OSBPL5: variants seen among roughly 807,000 people sequenced by gnomAD.
OSBPL5 encodes the protein oxysterol binding protein like 5, also known as oxysterol-binding protein-related protein 5.
OSBPL5 carries 71 observed loss-of-function variants against 111.2 expected under a neutral mutation model. The observed-to-expected ratio is 0.64, with a 90% CI of 0.53 to 0.78. OSBPL5 has a LOEUF of 0.78. Among genes scored for constraint, OSBPL5 ranks in the 30% least tolerant of loss-of-function variants. The pLI, the probability that OSBPL5 is intolerant of heterozygous loss-of-function variation, is 0.00. For synonymous variants in OSBPL5, 549 were observed against 513.9 expected (o/e 1.07, Z -0.93); for missense variants, 1,210 against 1,189.3 (o/e 1.02, Z -0.26).
chr11:3,090,747 C>T, intron 19 of OSBPL5, 51 bp from the exon 20 acceptor site: 2 of 1,551,670 alleles, frequency 1.3e-6, no homozygotes, highest in Non-Finnish European at 1.7e-6. Context: ...GCCCCCTGCC[C>T]AGGCCCCAGG....
chr11:3,129,486 G>A (rs976156662), intron 1 of OSBPL5, among the ~76,000 whole-genome samples: 6 of 152,200 alleles, frequency 3.9e-5, no homozygotes, highest in Non-Finnish European at 5.9e-5. Flanking sequence ...TGAGACCCTG[G>A]CTGCAGCCAG....
intron 7 of OSBPL5, among the ~76,000 whole-genome samples, chr11:3,112,464 TTG>T (rs1342769841): frequency 2.3e-5 from 3 of 130,812 alleles, no homozygotes; most frequent in Admixed American, 9.2e-5. Flanking sequence ...GTAACCTGTT[TTG>T]TGTTTTCTTT....
chr11:3,089,682 T>C (rs1442160433), intron 21 of OSBPL5, among the ~76,000 whole-genome samples, 164 bp downstream of exon 21: 1 of 152,158 alleles, frequency 6.6e-6, no homozygotes, highest in Non-Finnish European at 1.5e-5. Context: ...TCTCCTGCCC[T>C]CGGCGGTTGT....
chr11:3,096,921 A>G (rs1857272580), intron 14 of OSBPL5, among the ~76,000 whole-genome samples: 1 of 129,452 alleles, frequency 7.7e-6, no homozygotes, highest in South Asian at 2.7e-4. Flanking sequence ...AGGGGAGAAG[A>G]CGGGAGGAGG....
intron 1 of OSBPL5, among the ~76,000 whole-genome samples, chr11:3,147,576 C>A (rs1027580728): frequency 3.9e-5 from 6 of 152,258 alleles, no homozygotes; most frequent in African/African-American, 1.4e-4. Context: ...CGTTTGTGAA[C>A]TCGAATCGAG....
At position 3,120,571 on chromosome 11, in the gene OSBPL5, C is replaced by T; in HGVS notation, c.456G>A (p.Gly152=). The T allele has an allele frequency of 6.2e-7, 1 of 1,613,310 alleles. No homozygotes were observed. Among genetic ancestry groups the T allele is most frequent in the Non-Finnish European group, 8.5e-7 (1 of 1,180,028 alleles). Residue 152 remains glycine (G), a synonymous_variant, in exon 6 of 22, where the codon GGG becomes GGA. Transcript: ENST00000263650. The part of the protein sequence containing the change: ...WTKLWCVLKP[G]VLLIYKTPKV... ...TGGGCGTCTTGTAGATGAGCAGCAC[C>T]CCCGGCTTCAGCACGCACCACAGCT...
rs574008195 is a variant in OSBPL5 at position 3,109,276 on chromosome 11, C to A, written c.692-1331G>T. Reference sequence around the variant, plus strand: ...TGTATTTTTAGTAGAGATGGGGTTTCACCATGTTGGCCAGGCTGGTCTCAA... The same window carrying A: ...TGTATTTTTAGTAGAGATGGGGTTTAACCATGTTGGCCAGGCTGGTCTCAA... On this transcript the variant is annotated intron_variant, in intron 7 of 21. Transcript: ENST00000263650. The surrounding 1 kb of genome is among the most constrained non-coding windows in gnomAD (Gnocchi z 7.4). 6.6e-6 allele frequency among the ~76,000 whole-genome samples: 1 copy of A among 151,460 alleles called. No individual in the cohort carries two copies. The highest frequency in any genetic ancestry group is 1.5e-5 in the Non-Finnish European group (1 of 67,902).
chr11:3,112,478 CTTTTT>C (rs559601032), intron 7 of OSBPL5, among the ~76,000 whole-genome samples: 11 of 108,776 alleles, frequency 1.0e-4, no homozygotes, highest in East Asian at 6.8e-4. Context: ...GTTTTCTTTT[CTTTTT>C]TTTTTTTTTT....
At position 3,106,303 on chromosome 11, in the gene OSBPL5, C is replaced by T. The variant is rs1857691547; in HGVS notation, c.1059+960G>A. Among the ~76,000 whole-genome samples the T allele has an allele frequency of 6.6e-6, 1 of 152,182 alleles. No individual in the cohort carries two copies. Among genetic ancestry groups the T allele is most frequent in the South Asian group, 2.1e-4 (1 of 4,822 alleles). The stretch of plus-strand genomic sequence containing the variant: ...CTTTCCTGCTGAAACCGGGACTGCC[C>T]CTTGCCCTCAGTGACAGCCACGGCC... On this transcript the variant is annotated intron_variant, in intron 9 of 21. Transcript: ENST00000263650. This position sits in a 1 kb window ranked among gnomAD's most constrained non-coding sequence, Gnocchi z 8.4.
intron 1 of OSBPL5, among the ~76,000 whole-genome samples, chr11:3,129,753 T>G (rs578083692): frequency 6.6e-6 from 1 of 152,328 alleles, no homozygotes; most frequent in East Asian, 1.9e-4. Flanking sequence ...CAGTTTCAGT[T>G]GCACCCACAT....
At chr11:3,096,923 G>GGGA (rs1480253161) in intron 14 of OSBPL5, among the ~76,000 whole-genome samples, 31 of 113,724 alleles carry the variant, frequency 2.7e-4, no homozygotes, top group Middle Eastern at 4.1e-3. Context: ...GGGAGAAGAC[G>GGGA]GGAGGAGGAG....
intron 14 of OSBPL5, among the ~76,000 whole-genome samples, chr11:3,099,835 G>A (rs1857392563): frequency 1.3e-5 from 2 of 152,128 alleles, no homozygotes; most frequent in Non-Finnish European, 2.9e-5. Flanking sequence ...TTGGGAGGCC[G>A]AGGCGGGCGG....
intron 1 of OSBPL5, among the ~76,000 whole-genome samples, chr11:3,147,141 C>A (rs1276038315): frequency 1.7e-5 from 1 of 58,256 alleles, no homozygotes; most frequent in African/African-American, 6.7e-5. Context: ...GAGGACCGGG[C>A]GGGTGGGAGG....
intron 1 of OSBPL5, among the ~76,000 whole-genome samples, chr11:3,163,317 C>T (rs1202275581): frequency 6.6e-6 from 1 of 152,162 alleles, no homozygotes; most frequent in African/African-American, 2.4e-5. Context: ...GGCTTAACCA[C>T]AGAATCAGCA....
chr11:3,087,930 GGCCAGGAGTGCGTC>G lies in OSBPL5; in HGVS notation c.*261_*274del, dbSNP rs1199687525. 3.2e-6 allele frequency: 1 copy of G among 311,244 alleles called. No homozygotes were observed. Among genetic ancestry groups the G allele is most frequent in the Non-Finnish European group, 5.9e-6 (1 of 170,766 alleles). 19.3% of individuals were successfully genotyped at this position (311,244 alleles called of 1,614,324 possible). Reference sequence around the variant, plus strand: ...CGGACAGGGGGTGACACGGCAAGATGGCCAGGAGTGCGTCGCACAGCAGAAGCTGCATTTGGCTT... The same window carrying G: ...CGGACAGGGGGTGACACGGCAAGATGGCACAGCAGAAGCTGCATTTGGCTT... On this transcript the variant is annotated 3_prime_UTR_variant, in exon 22 of 22. Coordinates refer to ENST00000263650, the MANE Select transcript of OSBPL5 (RefSeq NM_020896.4).
At position 3,113,461 on chromosome 11, in the gene OSBPL5, T is replaced by C. The variant is rs889649047; in HGVS notation, c.692-5516A>G. Among the ~76,000 whole-genome samples the C allele has an allele frequency of 3.9e-5, 6 of 151,954 alleles. No individual in the cohort carries two copies. The highest frequency in any genetic ancestry group is 8.8e-5 in the Non-Finnish European group (6 of 67,978). ...CACAAAGTCAGGAGTTCAAGACCAGTCTGGCCAACATAGTGAAACCCCATC... is the reference window on the plus strand; with the variant it reads ...CACAAAGTCAGGAGTTCAAGACCAGCCTGGCCAACATAGTGAAACCCCATC... On this transcript the variant is annotated intron_variant, in intron 7 of 21. Transcript: ENST00000263650. The surrounding 1 kb of genome is among the most constrained non-coding windows in gnomAD (Gnocchi z 4.8).
chr11:3,111,509 C>T (rs1038463151), intron 7 of OSBPL5, among the ~76,000 whole-genome samples: 16 of 152,160 alleles, frequency 1.1e-4, no homozygotes, highest in African/African-American at 3.9e-4. Flanking sequence ...TCAGTGATCA[C>T]GTAAGTTGTG....
chr11:3,122,283 C>T, intron 4 of OSBPL5, 65 bp downstream of exon 4: 1 of 1,547,660 alleles, frequency 6.5e-7, no homozygotes, highest in Non-Finnish European at 8.8e-7. Context: ...AGGGTGACCT[C>T]CCTGGCTCAG....
At chr11:3,163,755 C>T (rs1466664146) in intron 1 of OSBPL5, among the ~76,000 whole-genome samples, 1 of 152,232 alleles carries the variant, frequency 6.6e-6, no homozygotes, top group African/African-American at 2.4e-5. Flanking sequence ...CTTTCTTAAA[C>T]ACAGCCTGGC....
Sources: allele counts gnomAD v4.1 joint callset (sites outside exome capture counted in the v4.1 genomes callset), GRCh38; gene constraint gnomAD v4.1.1; non-coding constraint Gnocchi (gnomAD v3.1); transcripts MANE v1.5; gene names NCBI Gene and HGNC (gene_info 2026-07-23, HGNC 2026-07-21).